Variants in KAZN observed in about 807,000 individuals in gnomAD.
The protein encoded by KAZN is kazrin.
A neutral mutation model predicts 87.4 loss-of-function variants in KAZN; 40 were observed. That is an observed-to-expected ratio of 0.46 (90% CI 0.36 to 0.60). KAZN has a LOEUF of 0.60. KAZN is among the 20% of genes least tolerant of loss of function. The pLI, the probability that KAZN is intolerant of heterozygous loss-of-function variation, is 0.00. For missense variants in KAZN, 898 were observed against 1,073.9 expected (o/e 0.84, Z 2.29); for synonymous variants, 466 against 458.3 (o/e 1.02, Z -0.22).
In KAZN at chr1:14,268,139, T is replaced by C. The variant is rs996742279; in HGVS notation, c.249+87547T>C. ...GCTAAGCCAATGCAGCTAGTTCCAC[T>C]GCATAGTAGACACCTTGAGGTTAGT... is the stretch of plus-strand genomic sequence containing the variant. On this transcript the variant is annotated intron_variant, in intron 2 of 16. Transcript: ENST00000636203. 9.8e-5 allele frequency among the ~76,000 whole-genome samples: 15 copies of C among 152,322 alleles called. No individual in the cohort carries two copies. The East Asian group carries it at 2.7e-3, about 27-fold the overall frequency.
chr1:14,853,432 C>T (rs1288991325), intron 1 of KAZN, among the ~76,000 whole-genome samples: 3 of 152,154 alleles, frequency 2.0e-5, no homozygotes, highest in Non-Finnish European at 4.4e-5. Context: ...CCTCACCACA[C>T]TGCATGAGAT....
At chr1:15,053,265 G>A (rs1007435580) in intron 4 of KAZN, among the ~76,000 whole-genome samples, 4 of 152,212 alleles carry the variant, frequency 2.6e-5, no homozygotes, top group African/African-American at 9.6e-5. Flanking sequence ...TGCCGCCACC[G>A]ACTCGCCTGG....
chr1:14,713,063 G>T (rs115753927), intron 1 of KAZN, among the ~76,000 whole-genome samples: 4,015 of 152,262 alleles, frequency 0.026, 183 homozygotes, highest in African/African-American at 0.092. Flanking sequence ...TGGGTGGTCA[G>T]GGGGCCACTC....
chr1:14,877,636 T>G (rs576831898), intron 1 of KAZN, among the ~76,000 whole-genome samples: 1 of 152,254 alleles, frequency 6.6e-6, no homozygotes, highest in Admixed American at 6.5e-5. Context: ...CCTTATTAGT[T>G]TGGTCACCTA....
intron 2 of KAZN, among the ~76,000 whole-genome samples, chr1:14,559,724 C>T (rs991344293): frequency 6.6e-6 from 1 of 152,146 alleles, no homozygotes; most frequent in Non-Finnish European, 1.5e-5. Context: ...CCCACTGTCT[C>T]CACCCCACTC....
rs575024935 is a variant in KAZN, at chr1:14,028,090, C to T, written c.91+134334C>T. Among the ~76,000 whole-genome samples the T allele has an allele frequency of 5.8e-4, 89 of 152,212 alleles. 1 individual carries two copies. The highest frequency in any genetic ancestry group is 1.0e-4 in the Non-Finnish European group (7 of 68,038). On this transcript the variant is annotated intron_variant, in intron 1 of 16. Coordinates refer to the KAZN transcript ENST00000636203. ...CAAGCTTAGTGTGAGCCTTGCTAAT[C>T]TTATTGGAGTAGCTTCTGTCCCCCC...
intron 1 of KAZN, among the ~76,000 whole-genome samples, chr1:14,645,955 G>A (rs1161569707): frequency 6.6e-6 from 1 of 152,168 alleles, no homozygotes; most frequent in African/African-American, 2.4e-5. Context: ...AAACAATGTG[G>A]CTGAATCTCA....
At chr1:14,976,928 G>A (rs10927609) in intron 2 of KAZN, among the ~76,000 whole-genome samples, 27,784 of 152,082 alleles carry the variant, frequency 0.18, 2,799 homozygotes, top group African/African-American at 0.25. Flanking sequence ...GGTGGTGGGC[G>A]CCTGTAATCC....
chr1:14,729,631 G>A (rs1643582942), intron 1 of KAZN, among the ~76,000 whole-genome samples: 1 of 152,146 alleles, frequency 6.6e-6, no homozygotes. Flanking sequence ...TTCACTTTTA[G>A]AATCAGGCCA....
At chr1:14,017,788 T>C (rs1640639064) in intron 1 of KAZN, among the ~76,000 whole-genome samples, 1 of 152,230 alleles carries the variant, frequency 6.6e-6, no homozygotes. Context: ...TGTTTCCGCT[T>C]GTGGAGCTAC....
At chr1:14,607,858 T>C (rs1677491877) in intron 1 of KAZN, among the ~76,000 whole-genome samples, 2 of 152,168 alleles carry the variant, frequency 1.3e-5, no homozygotes, top group Admixed American at 1.3e-4. Flanking sequence ...TTTGAGATCA[T>C]CCAAGGGGGC....
At position 15,056,259 on chromosome 1, in the gene KAZN, C is replaced by T. The variant is rs759670949; in HGVS notation, c.895C>T (p.Pro299Ser). 1 of 1,608,842 alleles carries T rather than the reference C, an allele frequency of 6.2e-7. No individual in the cohort carries two copies. Among genetic ancestry groups the T allele is most frequent in the Admixed American group, 1.7e-5 (1 of 59,926 alleles). Residue 299 changes from proline to serine, a missense_variant, in exon 5 of 15, where the codon CCT (proline) becomes TCT (serine). Coordinates refer to ENST00000376030, the MANE Select transcript of KAZN (RefSeq NM_201628.3). This position sits in a 1 kb window ranked among gnomAD's most constrained non-coding sequence, Gnocchi z 5.4. The part of the protein sequence containing the change: ...SQQTLYHSHP[P>S]HPADRQAVRV... Reference sequence around the variant, plus strand: ...ACAGACTCTCTACCACTCACACCCCCCTCACCCTGCGGACCGGCAAGGTGA... The same window carrying T: ...ACAGACTCTCTACCACTCACACCCCTCTCACCCTGCGGACCGGCAAGGTGA...
At chr1:14,589,858 A>G (rs953176487) in intron 2 of KAZN, among the ~76,000 whole-genome samples, 1 of 152,198 alleles carries the variant, frequency 6.6e-6, no homozygotes. Context: ...TTCGGTGAGT[A>G]AAGCATCCTG....
At chr1:15,016,581 C>G (rs1670129425) in intron 2 of KAZN, among the ~76,000 whole-genome samples, 1 of 152,184 alleles carries the variant, frequency 6.6e-6, no homozygotes, top group African/African-American at 2.4e-5. Context: ...CCACCGTGCC[C>G]AGCCTTGAGA....
intron 1 of KAZN, among the ~76,000 whole-genome samples, chr1:13,900,996 C>T (rs759890625): frequency 6.6e-6 from 1 of 151,718 alleles, no homozygotes; most frequent in Non-Finnish European, 1.5e-5. Flanking sequence ...GTCATGTCTT[C>T]CTGACAAGTA....
At position 15,115,491 on chromosome 1, in the gene KAZN, A is replaced by G. The variant is rs1641812260; in HGVS notation, c.*856A>G. On this transcript the variant is annotated 3_prime_UTR_variant, in exon 15 of 15. Coordinates refer to ENST00000376030, the MANE Select transcript of KAZN (RefSeq NM_201628.3). This position sits in a 1 kb window ranked among gnomAD's most constrained non-coding sequence, Gnocchi z 4.1. ...CTTTACTGAGATTCCAAACCCCACTATCTGCACTCCGTGACAGTGGTATGG... is the reference window on the plus strand; with the variant it reads ...CTTTACTGAGATTCCAAACCCCACTGTCTGCACTCCGTGACAGTGGTATGG... 1 of 152,220 alleles carries G rather than the reference A, an allele frequency of 6.6e-6. No individual in the cohort carries two copies. Among genetic ancestry groups the G allele is most frequent in the South Asian group, 2.1e-4 (1 of 4,834 alleles). 9.4% of individuals were successfully genotyped at this position (152,220 alleles called of 1,614,324 possible).
chr1:13,926,750 A>T (rs907287076), intron 1 of KAZN, among the ~76,000 whole-genome samples: 16 of 152,114 alleles, frequency 1.1e-4, no homozygotes, highest in African/African-American at 3.9e-4. Flanking sequence ...AGGTGACAAA[A>T]TGCTGGCTGG....
intron 1 of KAZN, among the ~76,000 whole-genome samples, chr1:14,629,990 A>G (rs913781409): frequency 7.1e-6 from 1 of 140,508 alleles, no homozygotes; most frequent in Non-Finnish European, 1.5e-5. Flanking sequence ...CCCATGGTGT[A>G]AATACATATT....
chr1:14,894,544 G>T (rs949554031), intron 1 of KAZN, among the ~76,000 whole-genome samples: 6 of 152,254 alleles, frequency 3.9e-5, no homozygotes. Flanking sequence ...AACTGTCGAT[G>T]TGGCACATCT....
Sources: gnomAD v4.1 joint callset for allele counts (sites outside exome capture counted in the v4.1 genomes callset) on GRCh38, gnomAD v4.1.1 for gene constraint, Gnocchi (gnomAD v3.1) non-coding constraint, MANE v1.5 for transcripts, NCBI Gene and HGNC (gene_info 2026-07-23, HGNC 2026-07-21) for gene names.